Variants in LRBA observed in about 807,000 individuals in gnomAD.
The protein encoded by LRBA is lipopolysaccharide-responsive and beige-like anchor protein.
A neutral mutation model predicts 330.0 loss-of-function variants in LRBA; 176 were observed. The observed-to-expected ratio is 0.53, with a 90% confidence interval of 0.47 to 0.60. The LOEUF (loss-of-function observed/expected upper bound fraction) is 0.60. Ranked by LOEUF, LRBA falls within the 20% of genes least tolerant of loss-of-function variation. The pLI, the probability that LRBA is intolerant of heterozygous loss-of-function variation, is 0.00. For synonymous variants in LRBA, 1,230 were observed against 1,193.0 expected (o/e 1.03, Z -0.64); for missense variants, 3,259 against 3,444.8 (o/e 0.95, Z 1.35).
At chr4:150,632,203 C>G (rs1777448430) in intron 37 of LRBA, among the ~76,000 whole-genome samples, 1 of 147,996 alleles carries the variant, frequency 6.8e-6, no homozygotes, top group Non-Finnish European at 1.5e-5. Context: ...TGCACTCCAG[C>G]CTGGGAGACA....
At chr4:150,690,225 C>A (rs940293141) in intron 36 of LRBA, among the ~76,000 whole-genome samples, 2 of 151,912 alleles carry the variant, frequency 1.3e-5, no homozygotes, top group African/African-American at 4.8e-5. Context: ...GAAGGTAGGC[C>A]GGGCGCTGTG....
chr4:150,569,196 A>G (rs1353483338), intron 40 of LRBA, among the ~76,000 whole-genome samples: 1 of 152,132 alleles, frequency 6.6e-6, no homozygotes, highest in Non-Finnish European at 1.5e-5. Flanking sequence ...GTGACAAAAG[A>G]AAATGGCTCT....
intron 34 of LRBA, among the ~76,000 whole-genome samples, chr4:150,783,938 A>G (rs913054101): frequency 2.6e-5 from 4 of 152,162 alleles, no homozygotes; most frequent in Non-Finnish European, 4.4e-5. Flanking sequence ...CTGGAAAGAA[A>G]ATATAAAGAC....
intron 17 of LRBA, among the ~76,000 whole-genome samples, chr4:150,873,597 AAAACAAAC>A (rs548040112): frequency 2.0e-5 from 3 of 152,078 alleles, no homozygotes; most frequent in Non-Finnish European, 4.4e-5. Flanking sequence ...CTCAAAAAAA[AAAACAAAC>A]AAACAAAGAT....
At chr4:150,927,078 G>GA (rs1340151435) in intron 4 of LRBA, among the ~76,000 whole-genome samples, 441 of 106,992 alleles carry the variant, frequency 4.1e-3, no homozygotes, top group Admixed American at 5.4e-3. Flanking sequence ...TCAAAAGAAA[G>GA]AAAAAAAAAA....
At chr4:150,797,366 T>G (rs545491484) in intron 34 of LRBA, among the ~76,000 whole-genome samples, 1 of 151,640 alleles carries the variant, frequency 6.6e-6, no homozygotes, top group East Asian at 1.9e-4. Context: ...TATTTTAAAG[T>G]TTTAAGTGGG....
rs367864133 is a variant in LRBA, at chr4:151,014,695, G to A, written c.-53C>T. The A allele has an allele frequency of 8.7e-5, 110 of 1,257,574 alleles. No homozygotes were observed. The African/African-American group carries it at 1.1e-3, about 13-fold the overall frequency. The allele number at this position is 1,257,574 out of a possible 1,614,324, so 77.9% of individuals were successfully genotyped here. A position where few individuals can be genotyped will look rare whatever the true frequency, so the allele number is the denominator to read the frequency against. ...GAGTCACCCTGGGACGGCAGTCGCTGCACTGGTAATGAGCACAACACACGC... is the reference window on the plus strand; with the variant it reads ...GAGTCACCCTGGGACGGCAGTCGCTACACTGGTAATGAGCACAACACACGC... On this transcript the variant is annotated 5_prime_UTR_variant, in exon 2 of 57. Coordinates refer to ENST00000651943, the MANE Select transcript of LRBA (RefSeq NM_001364905.1).
chr4:150,350,629 T>G (rs1309283227), intron 47 of LRBA, among the ~76,000 whole-genome samples: 2 of 151,992 alleles, frequency 1.3e-5, no homozygotes, highest in Admixed American at 6.6e-5. Flanking sequence ...TCTGTCCTCC[T>G]TGGTTTATAA....
chr4:150,454,189 GACCTCATGA>G (rs1753759772), intron 44 of LRBA, among the ~76,000 whole-genome samples: 1 of 152,086 alleles, frequency 6.6e-6, no homozygotes, highest in South Asian at 2.1e-4. Context: ...TTGATCTCCT[GACCTCATGA>G]TCTGACCGCC....
chr4:150,540,369 AT>A (rs1765183182), intron 40 of LRBA, among the ~76,000 whole-genome samples: 1 of 152,052 alleles, frequency 6.6e-6, no homozygotes, highest in African/African-American at 2.4e-5. Context: ...TAATTTTTGT[AT>A]TTTTAGCAGA....
intron 2 of LRBA, among the ~76,000 whole-genome samples, chr4:150,934,737 A>G (rs1245724669): frequency 6.6e-6 from 1 of 151,858 alleles, no homozygotes; most frequent in African/African-American, 2.4e-5. Flanking sequence ...GGCCGGGCAC[A>G]GTGGCTCACG....
chr4:150,283,912 C>T (rs987827489), intron 54 of LRBA, among the ~76,000 whole-genome samples: 2 of 152,210 alleles, frequency 1.3e-5, no homozygotes, highest in African/African-American at 4.8e-5. Flanking sequence ...AGTTCCCACA[C>T]AGACAGCAAA....
chr4:150,879,882 GA>G (rs1361898825), intron 17 of LRBA, among the ~76,000 whole-genome samples: 2 of 151,950 alleles, frequency 1.3e-5, no homozygotes, highest in Non-Finnish European at 2.9e-5. Context: ...CACAGAACTA[GA>G]AAAAAACTAT....
intron 26 of LRBA, 92 bp from the exon 27 acceptor site, chr4:150,844,871 A>G (rs1224295309): frequency 1.6e-5 from 16 of 1,024,754 alleles, no homozygotes; most frequent in Non-Finnish European, 2.0e-5. Flanking sequence ...TATGATTTAC[A>G]TAAGATTTTA....
At chr4:150,779,144 T>C (rs1737821762) in intron 34 of LRBA, among the ~76,000 whole-genome samples, 1 of 152,128 alleles carries the variant, frequency 6.6e-6, no homozygotes, top group African/African-American at 2.4e-5. Context: ...ACTTTTAATT[T>C]AGAATTAAAT....
intron 2 of LRBA, among the ~76,000 whole-genome samples, chr4:151,007,276 C>T (rs1744186182): frequency 6.6e-6 from 1 of 151,806 alleles, no homozygotes; most frequent in South Asian, 2.1e-4. Flanking sequence ...CCGAGGCGGA[C>T]GGACCACAAG....
rs1045515786 is a variant in LRBA at position 150,868,292 on chromosome 4, T to C, written c.2463A>G (p.Val821=). 6.2e-7 allele frequency: 1 copy of C among 1,610,910 alleles called. No individual in the cohort carries two copies. The highest frequency in any genetic ancestry group is 1.3e-5 in the African/African-American group (1 of 74,798). ...GAGAATTTCGAAGTAGGGTCGCAAT[T>C]ACTTTTAGTATCTCTGTAAGACAGT... The part of the protein sequence containing the change: ...VKIQNPQILK[V]IATLLRNSPQ... The change falls in exon 21 of 57, where the codon GTA becomes GTG. Residue 821 remains valine (V), a synonymous_variant. Transcript: ENST00000651943.
Position 150,386,305 on chromosome 4 carries a change from T to C in LRBA, c.7194+29133A>G, listed in dbSNP as rs530516234. On this transcript the variant is annotated intron_variant, in intron 47 of 56. Transcript: ENST00000651943. ...AAATATTATTTCATACCTCATAGTT[T>C]AACAAATTTAAAAAGGATACACATA... 9.9e-5 allele frequency among the ~76,000 whole-genome samples: 15 copies of C among 152,284 alleles called. No individual in the cohort carries two copies. The East Asian group carries it at 2.9e-3, about 29-fold the overall frequency.
At chr4:150,464,401 T>C (rs913127741) in intron 44 of LRBA, among the ~76,000 whole-genome samples, 1 of 152,128 alleles carries the variant, frequency 6.6e-6, no homozygotes, top group Non-Finnish European at 1.5e-5. Context: ...ATTAAAGAGC[T>C]GCCCAGTTTT....
Sources: gnomAD v4.1 joint callset for allele counts (sites outside exome capture counted in the v4.1 genomes callset) on GRCh38, gnomAD v4.1.1 for gene constraint, MANE v1.5 for transcripts, NCBI Gene and HGNC (gene_info 2026-07-23, HGNC 2026-07-21) for gene names.